ZNF695: variants seen among roughly 807,000 people sequenced by gnomAD.
ZNF695 encodes zinc finger protein SBZF3.
A neutral mutation model predicts 11.2 loss-of-function variants in ZNF695; 11 were observed. The observed-to-expected ratio is 0.98, with a 90% CI of 0.62 to 1.62. ZNF695 has a LOEUF of 1.62. Among genes scored for constraint, ZNF695 ranks in the 40% most tolerant of loss-of-function variants. The pLI, the probability that ZNF695 is intolerant of heterozygous loss-of-function variation, is 0.00. For synonymous variants in ZNF695, 190 were observed against 201.4 expected (o/e 0.94, Z 0.48); for missense variants, 559 against 590.5 (o/e 0.95, Z 0.55).
rs568521941 is a variant in ZNF695 at position 246,948,354 on chromosome 1, G to A, written c.489-2527C>T. On this transcript the variant is annotated intron_variant, in intron 5 of 5. Transcript: ENST00000487338. The stretch of plus-strand genomic sequence containing the variant: ...CTCCCAAAGTGCTGGGATTACAGGT[G>A]TGAGCCACCACGCCTGGCTGTAGTT... Among the ~76,000 whole-genome samples the A allele has an allele frequency of 2.6e-5, 4 of 152,106 alleles. No homozygotes were observed. The South Asian group carries it at 8.3e-4, about 32-fold the overall frequency.
At chr1:247,007,164 GGAATAA>G (rs1322264670) in intron 1 of ZNF695, among the ~76,000 whole-genome samples, 1 of 152,088 alleles carries the variant, frequency 6.6e-6, no homozygotes, top group East Asian at 1.9e-4. Context: ...ACTGTTTGCT[GGAATAA>G]ACTCCTTAAC....
At chr1:246,980,958 T>A (rs933557612), downstream of ZNF695, among the ~76,000 whole-genome samples, 1 of 152,132 alleles carries the variant, frequency 6.6e-6, no homozygotes, top group African/African-American at 2.4e-5. Flanking sequence ...CTACAATCAA[T>A]GATATGATGA....
chr1:246,955,816 T>A (rs908970850), intron 5 of ZNF695, among the ~76,000 whole-genome samples: 1 of 152,118 alleles, frequency 6.6e-6, no homozygotes, highest in African/African-American at 2.4e-5. Flanking sequence ...CAGAAGGTGC[T>A]CAGTGAGTCC....
intron 1 of ZNF695, among the ~76,000 whole-genome samples, chr1:247,001,306 C>T (rs1669373164): frequency 6.6e-6 from 1 of 151,952 alleles, no homozygotes; most frequent in Non-Finnish European, 1.5e-5. Context: ...AGGCTAATGC[C>T]TGTAATCAGC....
rs910458262 is a variant in ZNF695, at chr1:247,000,161, T to C, written c.4-87A>G. 25 of 1,145,178 alleles carry C rather than the reference T, an allele frequency of 2.2e-5. No individual in the cohort carries two copies. In the Admixed American group the frequency reaches 6.2e-4, roughly 28 times the overall value. 70.9% of individuals were successfully genotyped at this position (1,145,178 alleles called of 1,614,324 possible). A position where few individuals can be genotyped will look rare whatever the true frequency, so the allele number is the denominator to read the frequency against. Reference sequence around the variant, plus strand: ...AGGAGAGACAGTGAAGAGAACTGGCTCTGACTTATATGAGTGACTAGAATT... The same window carrying C: ...AGGAGAGACAGTGAAGAGAACTGGCCCTGACTTATATGAGTGACTAGAATT... On this transcript the variant is annotated intron_variant, in intron 1 of 3. Transcript: ENST00000339986.
intron 4 of ZNF695, among the ~76,000 whole-genome samples, chr1:246,970,531 G>A (rs189174911): frequency 6.6e-5 from 10 of 152,330 alleles, no homozygotes; most frequent in East Asian, 5.8e-4. Flanking sequence ...ATCTGCATAC[G>A]AGTCCCCTTG....
chr1:246,961,089 G>A (rs1286471018), intron 5 of ZNF695, among the ~76,000 whole-genome samples: 2 of 152,170 alleles, frequency 1.3e-5, no homozygotes, highest in Non-Finnish European at 2.9e-5. Flanking sequence ...TCATAGTAGG[G>A]TCAGTTGATG....
intron 5 of ZNF695, among the ~76,000 whole-genome samples, chr1:246,964,956 A>G (rs550818333): frequency 2.0e-5 from 3 of 152,346 alleles, no homozygotes; most frequent in Non-Finnish European, 4.4e-5. Flanking sequence ...GGGGAACTTT[A>G]TGGGGTGATT....
chr1:246,945,567 C>A (rs1183573237), downstream of ZNF695: 2 of 501,272 alleles, frequency 4.0e-6, no homozygotes, highest in Non-Finnish European at 7.2e-6. Context: ...ATTTTCTTTT[C>A]TATTCATGGA....
At chr1:246,965,893 A>G (rs1668277977) in intron 5 of ZNF695, among the ~76,000 whole-genome samples, 1 of 151,866 alleles carries the variant, frequency 6.6e-6, no homozygotes, top group Admixed American at 6.6e-5. Flanking sequence ...ACCTTGTTTC[A>G]GGTATTCTGT....
At chr1:246,953,559 C>T (rs552691422) in intron 5 of ZNF695, among the ~76,000 whole-genome samples, 123 of 148,392 alleles carry the variant, frequency 8.3e-4, no homozygotes, top group Non-Finnish European at 1.5e-3. Context: ...TGCAGTGAGC[C>T]AAGATCGCAC....
rs1023711244 is a variant in ZNF695 at position 246,987,766 on chromosome 1, T to C, written c.749A>G (p.Lys250Arg). The change falls in exon 4 of 4, where the codon AAG becomes AGG. Residue 250 changes from lysine (K) to arginine (R), a missense_variant. By Grantham distance (26) the Lys-to-Arg change is conservative. Coordinates refer to ENST00000339986, the MANE Select transcript of ZNF695 (RefSeq NM_020394.5). ...CKCEECNNIF[K>R]SCSSLAVVEK... is the part of the protein sequence containing the mutation. ...AACAACAGCAAGACTTGAGCAAGAC[T>C]TAAAAATGTTATTACATTCTTCACA... 2 of 1,597,068 alleles carry C rather than the reference T, an allele frequency of 1.3e-6. No homozygotes were observed. The highest frequency in any genetic ancestry group is 2.7e-5 in the African/African-American group (2 of 73,894).
intron 4 of ZNF695, chr1:246,968,976 A>T (rs758490948): frequency 1.3e-5 from 2 of 152,246 alleles, no homozygotes; most frequent in Non-Finnish European, 2.9e-5. Flanking sequence ...GGCTGCCACG[A>T]AAGTCTCTGA....
chr1:246,989,780 G>A (rs1411400008), intron 3 of ZNF695, among the ~76,000 whole-genome samples: 1 of 152,170 alleles, frequency 6.6e-6, no homozygotes, highest in Non-Finnish European at 1.5e-5. Context: ...CTCTTTGGGA[G>A]GCCGAGGCGA....
chr1:246,988,245 A>G lies in ZNF695; in HGVS notation c.270T>C (p.Ser90=). 6.4e-7 allele frequency: 1 copy of G among 1,554,180 alleles called. No individual in the cohort carries two copies. The highest frequency in any genetic ancestry group is 8.7e-7 in the Non-Finnish European group (1 of 1,155,410). The change falls in exon 4 of 4, where the codon TCT becomes TCC. Residue 90 remains serine (S), a synonymous_variant. Transcript: ENST00000339986. ...CTGGCAAAATGTCTTCAGTAAGATA[A>G]GAAGACAAAACTGGAAAAAATAAAA... ...EKTARHSVLS[S]YLTEDILPEQ...
intron 5 of ZNF695, among the ~76,000 whole-genome samples, chr1:246,963,442 A>G (rs1668212294): frequency 6.6e-6 from 1 of 152,160 alleles, no homozygotes; most frequent in Non-Finnish European, 1.5e-5. Flanking sequence ...TAAAAAGAAA[A>G]ATAAAAAACA....
In ZNF695 at chr1:246,987,478, T is replaced by G; in HGVS notation, c.1037A>C (p.His346Pro). 6.2e-7 allele frequency: 1 copy of G among 1,611,638 alleles called. No individual in the cohort carries two copies. Among genetic ancestry groups the G allele is most frequent in the Non-Finnish European group, 8.5e-7 (1 of 1,178,868 alleles). The change falls in exon 4 of 4, where the codon CAT (histidine) becomes CCT (proline). Residue 346 changes from histidine (H) to proline (P), a missense_variant. His to Pro is a moderately conservative substitution (Grantham distance 77). Coordinates refer to ENST00000339986, the MANE Select transcript of ZNF695 (RefSeq NM_020394.5). ...ACATCGGAAGGTTTTCTCTCCAGTA[T>G]GAATTCTTCTATGTTGAGTAAGGTA... Reference protein sequence around the residue: ...LSYLTQHRRIHTGEKTFRCEE... With the variant: ...LSYLTQHRRIPTGEKTFRCEE...
At chr1:246,980,306 T>G (rs1165544722) in intron 4 of ZNF695, among the ~76,000 whole-genome samples, 2 of 152,116 alleles carry the variant, frequency 1.3e-5, no homozygotes, top group East Asian at 3.8e-4. Context: ...TTTAGTCACT[T>G]TCTAGTTATA....
Position 246,986,242 on chromosome 1 carries a change from A to G in ZNF695, c.*725T>C, listed in dbSNP as rs1332127496. ...TGCCACCAAGCCTGGCTTTTATTTT[A>G]CTTTTTGTAGAGATGAGGTTTTGCC... On this transcript the variant is annotated 3_prime_UTR_variant, in exon 4 of 4. Coordinates refer to ENST00000339986, the MANE Select transcript of ZNF695 (RefSeq NM_020394.5). 8.9e-6 allele frequency: 5 copies of G among 564,568 alleles called. No individual in the cohort carries two copies. The South Asian group carries it at 3.1e-4, about 35-fold the overall frequency. 35.0% of individuals were successfully genotyped at this position (564,568 alleles called of 1,614,324 possible).
Sources: allele counts gnomAD v4.1 joint callset (sites outside exome capture counted in the v4.1 genomes callset), GRCh38; gene constraint gnomAD v4.1.1; transcripts MANE v1.5; gene names NCBI Gene and HGNC (gene_info 2026-07-23, HGNC 2026-07-21).